ULK4: variants seen among roughly 807,000 people sequenced by gnomAD.
ULK4 encodes unc-51 like kinase 4, also known as inactive serine/threonine-protein kinase ULK4.
A neutral mutation model predicts 160.6 loss-of-function variants in ULK4; 133 were observed. That is an observed-to-expected ratio of 0.83 (90% CI 0.72 to 0.96). The LOEUF (loss-of-function observed/expected upper bound fraction) is 0.96, where lower values mean the gene tolerates loss of function less well. ULK4 is among the 40% of genes least tolerant of loss of function. The probability of loss-of-function intolerance (pLI) is 0.00; values close to 1 mark genes in which losing one functional copy is unlikely to be tolerated. For synonymous variants in ULK4, 534 were observed against 539.8 expected (o/e 0.99, Z 0.15); for missense variants, 1,580 against 1,499.5 (o/e 1.05, Z -0.89).
chr3:41,894,106 A>G (rs1156420944), intron 16 of ULK4, among the ~76,000 whole-genome samples: 1 of 152,266 alleles, frequency 6.6e-6, no homozygotes, highest in African/African-American at 2.4e-5. Flanking sequence ...AGGGGATACT[A>G]AAACCAATCT....
chr3:41,247,454 C>A (rs771965829), intron 36 of ULK4, among the ~76,000 whole-genome samples: 98 of 152,180 alleles, frequency 6.4e-4, no homozygotes, highest in Non-Finnish European at 9.1e-4. Context: ...AAAACGGGAA[C>A]TTTTTTACTG....
intron 17 of ULK4, among the ~76,000 whole-genome samples, chr3:41,872,979 C>G (rs1413516356): frequency 3.3e-5 from 5 of 151,968 alleles, no homozygotes; most frequent in Admixed American, 3.3e-4. Context: ...ATGGTGAAAC[C>G]CCATCTCTAC....
chr3:41,353,117 A>G (rs746866374), intron 35 of ULK4, among the ~76,000 whole-genome samples: 4 of 152,160 alleles, frequency 2.6e-5, no homozygotes, highest in Non-Finnish European at 5.9e-5. Flanking sequence ...GTTCCAGGAT[A>G]CTGTCTCCTG....
chr3:41,246,763 C>T lies in ULK4; in HGVS notation c.*166G>A, dbSNP rs907264892. 6.6e-5 allele frequency: 47 copies of T among 715,120 alleles called. No individual in the cohort carries two copies. Among genetic ancestry groups the T allele is most frequent in the Non-Finnish European group, 1.0e-4 (45 of 433,272 alleles). The allele number at this position is 715,120 out of a possible 1,614,324, so 44.3% of individuals were successfully genotyped here. A position where few individuals can be genotyped will look rare whatever the true frequency, so the allele number is the denominator to read the frequency against. Reference sequence around the variant, plus strand: ...GTCCATTCTGAGTCAGTTTTCTAGGCCCTGGGGTTAGTGAGCACTTGGGCC... The same window carrying T: ...GTCCATTCTGAGTCAGTTTTCTAGGTCCTGGGGTTAGTGAGCACTTGGGCC... On this transcript the variant is annotated 3_prime_UTR_variant, in exon 37 of 37. Coordinates refer to ENST00000301831, the MANE Select transcript of ULK4 (RefSeq NM_017886.4).
At chr3:41,321,418 T>C (rs2080244661) in intron 35 of ULK4, among the ~76,000 whole-genome samples, 2 of 152,150 alleles carry the variant, frequency 1.3e-5, no homozygotes, top group African/African-American at 4.8e-5. Context: ...CAAAGTCCCT[T>C]ACTTGTGTTG....
intron 22 of ULK4, among the ~76,000 whole-genome samples, chr3:41,731,454 T>C (rs1171815172): frequency 6.6e-6 from 1 of 152,014 alleles, no homozygotes; most frequent in Non-Finnish European, 1.5e-5. Context: ...AGAAAAACTA[T>C]GTAACAGTGA....
intron 19 of ULK4, among the ~76,000 whole-genome samples, chr3:41,810,342 T>C (rs1287229685): frequency 1.3e-5 from 2 of 152,238 alleles, no homozygotes; most frequent in African/African-American, 4.8e-5. Flanking sequence ...ATTGTTACTA[T>C]ATAGACAGTC....
intron 5 of ULK4, among the ~76,000 whole-genome samples, chr3:41,927,701 GCAATC>G (rs1408542943): frequency 6.8e-6 from 1 of 147,516 alleles, no homozygotes; most frequent in Admixed American, 6.8e-5. Context: ...AGCAGGGGTT[GCAATC>G]CTGATCTCTG....
intron 18 of ULK4, among the ~76,000 whole-genome samples, chr3:41,819,947 TTA>T (rs2041089267): frequency 1.3e-5 from 2 of 152,294 alleles, no homozygotes; most frequent in South Asian, 2.1e-4. Context: ...GTAAAAGGTA[TTA>T]TGTTACCTAG....
At chr3:41,698,254 C>G (rs2036563200) in intron 27 of ULK4, among the ~76,000 whole-genome samples, 1 of 152,112 alleles carries the variant, frequency 6.6e-6, no homozygotes, top group African/African-American at 2.4e-5. Context: ...ATTCCTAATC[C>G]AAAAATCTAA....
At chr3:41,560,475 T>C (rs1203256119) in intron 32 of ULK4, among the ~76,000 whole-genome samples, 1 of 152,230 alleles carries the variant, frequency 6.6e-6, no homozygotes, top group Non-Finnish European at 1.5e-5. Context: ...TTTCACAATA[T>C]TGATTCTTCC....
intron 34 of ULK4, 28 bp downstream of exon 34, chr3:41,455,467 GCC>G: frequency 6.3e-7 from 1 of 1,580,250 alleles, no homozygotes; most frequent in Non-Finnish European, 8.6e-7. Flanking sequence ...CTTCAGTAAT[GCC>G]CCAAAAGACA....
chr3:41,828,771 T>C (rs985581260), intron 18 of ULK4, among the ~76,000 whole-genome samples: 1 of 152,132 alleles, frequency 6.6e-6, no homozygotes, highest in African/African-American at 2.4e-5. Context: ...CCAATGACTT[T>C]CTTTACAGAA....
chr3:41,290,535 C>G (rs1184503320), intron 35 of ULK4, among the ~76,000 whole-genome samples: 1 of 152,272 alleles, frequency 6.6e-6, no homozygotes, highest in Middle Eastern at 3.4e-3. Flanking sequence ...GCTTCCACCC[C>G]TCAATGATCC....
At chr3:41,289,395 G>T (rs1017778397) in intron 35 of ULK4, among the ~76,000 whole-genome samples, 3 of 152,146 alleles carry the variant, frequency 2.0e-5, no homozygotes, top group African/African-American at 7.2e-5. Flanking sequence ...TTCTCCATCA[G>T]ATTTTACAAT....
At chr3:41,803,991 G>T (rs545407709) in intron 19 of ULK4, among the ~76,000 whole-genome samples, 1 of 152,076 alleles carries the variant, frequency 6.6e-6, no homozygotes, top group African/African-American at 2.4e-5. Context: ...AGTCCTTTGG[G>T]TATATACCCA....
Position 41,792,499 on chromosome 3 carries a change from C to G in ULK4, c.2011-2656G>C, listed in dbSNP as rs138261766. On this transcript the variant is annotated intron_variant, in intron 20 of 36. Coordinates refer to ENST00000301831, the MANE Select transcript of ULK4 (RefSeq NM_017886.4). ...ATTCAATGACTTCAACACAGCACAA[C>G]AGTAAGTCTCATTAGCACTATAACA... 1.2e-3 allele frequency among the ~76,000 whole-genome samples: 185 copies of G among 152,242 alleles called. 1 individual carries two copies. Among genetic ancestry groups the G allele is most frequent in the African/African-American group, 4.3e-3 (179 of 41,540 alleles).
At chr3:41,514,072 A>G (rs2017454) in intron 32 of ULK4, among the ~76,000 whole-genome samples, 127,804 of 152,128 alleles carry the variant, frequency 0.84, 55,007 homozygotes, top group Non-Finnish European at 0.94. Context: ...TTTTAACTGT[A>G]AATTTATCCT....
chr3:41,829,446 G>GA (rs796407503), intron 18 of ULK4, among the ~76,000 whole-genome samples: 15 of 147,410 alleles, frequency 1.0e-4, no homozygotes, highest in East Asian at 2.0e-4. Context: ...AAATTTACAA[G>GA]AAAAAAAAAC....
Sources: gnomAD v4.1 joint callset for allele counts (sites outside exome capture counted in the v4.1 genomes callset) on GRCh38, gnomAD v4.1.1 for gene constraint, MANE v1.5 for transcripts, NCBI Gene and HGNC (gene_info 2026-07-23, HGNC 2026-07-21) for gene names.